The following RERE variants were observed in gnomAD, a reference collection of about 807,000 sequenced individuals.
The protein encoded by RERE is arginine-glutamic acid dipeptide repeats protein.
Under a neutral mutation model 146.1 loss-of-function variants are expected in RERE, and 40 were observed. The observed-to-expected ratio is 0.27, with a 90% confidence interval of 0.21 to 0.36. The LOEUF (loss-of-function observed/expected upper bound fraction) is 0.36, where lower values mean the gene tolerates loss of function less well. Ranked by LOEUF, RERE falls within the 10% of genes least tolerant of loss-of-function variation. The pLI is 1.00. For synonymous variants in RERE, 1,003 were observed against 866.0 expected, an observed-to-expected ratio of 1.16 and a Z score of -2.78; for missense variants, 1,933 against 2,138.7, an observed-to-expected ratio of 0.90 and a Z score of 1.90.
At chr1:8,501,127 C>T (rs1645139563) in intron 8 of RERE, among the ~76,000 whole-genome samples, 1 of 142,596 alleles carries the variant, frequency 7.0e-6, no homozygotes, top group Non-Finnish European at 1.5e-5. Context: ...AGTGAGGAGC[C>T]CCTCTGCCCG....
rs869173167 is a variant in RERE, at chr1:8,774,951, C to CTTTTTTTTT, written c.-145+42200_-145+42208dup. 1.4e-3 allele frequency among the ~76,000 whole-genome samples: 68 copies of CTTTTTTTTT among 47,910 alleles called. 1 individual carries two copies. Among genetic ancestry groups the CTTTTTTTTT allele is most frequent in the South Asian group, 4.3e-3 (5 of 1,162 alleles). The allele number at this position is 47,910 out of a possible 152,430, so 31.4% of individuals were successfully genotyped here. ...TCATAGTAGCATTTCTTCTTTCTTT[C>CTTTTTTTTT]TTTTTTTTTTTTTTTTTTTTTTTTT... On this transcript the variant is annotated intron_variant, in intron 1 of 22. Transcript: ENST00000400908.
At chr1:8,525,887 CA>C (rs1408204455) in intron 7 of RERE, 1 of 1,448,442 alleles carries the variant, frequency 6.9e-7, no homozygotes, top group Non-Finnish European at 9.1e-7. Flanking sequence ...GAGGCACATG[CA>C]GTCTCAGAGA....
chr1:8,596,776 T>C (rs1646560191), intron 4 of RERE, among the ~76,000 whole-genome samples: 1 of 150,408 alleles, frequency 6.6e-6, no homozygotes, highest in Admixed American at 6.7e-5. Flanking sequence ...CTCCCCAAAG[T>C]GCTGGGATTA....
chr1:8,387,933 G>C (rs1044148553), intron 12 of RERE, among the ~76,000 whole-genome samples: 1 of 152,192 alleles, frequency 6.6e-6, no homozygotes, highest in Non-Finnish European at 1.5e-5. Flanking sequence ...GTGTGCATGT[G>C]TGCCAGTTGA....
chr1:8,629,615 T>C (rs1025331351), intron 2 of RERE, among the ~76,000 whole-genome samples: 2 of 152,326 alleles, frequency 1.3e-5, no homozygotes, highest in Admixed American at 6.5e-5. Context: ...TGTGTCATTA[T>C]GAAACACAAA....
intron 10 of RERE, among the ~76,000 whole-genome samples, chr1:8,482,128 C>A (rs1272516212): frequency 6.6e-6 from 1 of 152,030 alleles, no homozygotes; most frequent in African/African-American, 2.4e-5. Flanking sequence ...ATGCAATGTC[C>A]AGAATAGGCA....
intron 11 of RERE, 48 bp downstream of exon 11, chr1:8,465,877 G>T: frequency 1.3e-6 from 2 of 1,511,980 alleles, no homozygotes; most frequent in Non-Finnish European, 1.8e-6. Context: ...CTGAGACGCC[G>T]GTGGCCCGAT....
intron 12 of RERE, among the ~76,000 whole-genome samples, chr1:8,405,979 G>A (rs1199041095): frequency 2.0e-5 from 3 of 151,942 alleles, no homozygotes; most frequent in Non-Finnish European, 2.9e-5. Context: ...TTTCAAGGGG[G>A]AAAAAAATTA....
At chr1:8,763,175 C>T (rs759228844) in intron 1 of RERE, among the ~76,000 whole-genome samples, 5 of 152,066 alleles carry the variant, frequency 3.3e-5, no homozygotes, top group Non-Finnish European at 2.9e-5. Flanking sequence ...AGGAACAAAT[C>T]CAGATTCTAT....
At chr1:8,441,019 G>T (rs1262004320) in intron 11 of RERE, among the ~76,000 whole-genome samples, 1 of 110,520 alleles carries the variant, frequency 9.0e-6, no homozygotes, top group African/African-American at 3.5e-5. Context: ...GGGGGGTGGG[G>T]GGGCTGTTTT....
At chr1:8,422,690 G>GC in intron 12 of RERE, 37 bp downstream of exon 12, 1 of 1,479,648 alleles carries the variant, frequency 6.8e-7, no homozygotes, top group Non-Finnish European at 9.5e-7. Context: ...GAGCAAAGAG[G>GC]AAAAAATCAA....
intron 12 of RERE, among the ~76,000 whole-genome samples, chr1:8,377,799 A>G (rs746469196): frequency 6.6e-6 from 1 of 152,186 alleles, no homozygotes; most frequent in Non-Finnish European, 1.5e-5. Flanking sequence ...AGGATGAGAG[A>G]GCGAGGCCTG....
chr1:8,677,152 G>A (rs1048732365), intron 1 of RERE, among the ~76,000 whole-genome samples: 1 of 152,262 alleles, frequency 6.6e-6, no homozygotes, highest in Non-Finnish European at 1.5e-5. Context: ...TAATTTGGCT[G>A]GGCATGGTGG....
chr1:8,381,432 C>T (rs947105029), intron 12 of RERE, among the ~76,000 whole-genome samples: 7 of 152,156 alleles, frequency 4.6e-5, no homozygotes, highest in Non-Finnish European at 8.8e-5. Context: ...ACCAGAAATA[C>T]ATAAAACAGA....
At chr1:8,618,288 T>C (rs1292621966) in intron 3 of RERE, among the ~76,000 whole-genome samples, 1 of 152,192 alleles carries the variant, frequency 6.6e-6, no homozygotes, top group Non-Finnish European at 1.5e-5. Context: ...AGGTACTTTA[T>C]ATCCCAACTT....
At chr1:8,651,857 T>C (rs1647649159) in intron 2 of RERE, among the ~76,000 whole-genome samples, 1 of 152,126 alleles carries the variant, frequency 6.6e-6, no homozygotes, top group African/African-American at 2.4e-5. Context: ...TCTTGCTCTG[T>C]CACCCAGGCT....
chr1:8,468,957 A>C (rs1439221168), intron 10 of RERE, among the ~76,000 whole-genome samples: 1 of 152,096 alleles, frequency 6.6e-6, no homozygotes, highest in Non-Finnish European at 1.5e-5. Context: ...AAAACTATGG[A>C]CTTTGGAGTC....
At chr1:8,574,114 G>T (rs574998832) in intron 4 of RERE, among the ~76,000 whole-genome samples, 1 of 152,162 alleles carries the variant, frequency 6.6e-6, no homozygotes, top group Non-Finnish European at 1.5e-5. Context: ...CCAATGTGTT[G>T]TATTTCCATT....
At chr1:8,670,874 T>C (rs980604336) in intron 1 of RERE, among the ~76,000 whole-genome samples, 8 of 152,012 alleles carry the variant, frequency 5.3e-5, no homozygotes, top group Non-Finnish European at 8.8e-5. Flanking sequence ...AGACTCCCTC[T>C]GGCTCCTTAG....
Sources: allele counts gnomAD v4.1 joint callset (sites outside exome capture counted in the v4.1 genomes callset), GRCh38; gene constraint gnomAD v4.1.1; transcripts MANE v1.5; gene names NCBI Gene and HGNC (gene_info 2026-07-23, HGNC 2026-07-21).